The following HDAC8 variants were observed in gnomAD, a reference collection of about 807,000 sequenced individuals.
HDAC8 encodes histone deacetylase-like 1.
A neutral mutation model predicts 32.2 loss-of-function variants in HDAC8; 1 was observed. The ratio of observed to expected loss-of-function variants is 0.03; its 90% confidence interval spans 0.01 to 0.15. The LOEUF is 0.15. HDAC8 is among the 10% of genes least tolerant of loss of function. HDAC8 has a pLI of 1.00. For missense variants in HDAC8, 117 were observed against 300.0 expected, an observed-to-expected ratio of 0.39 and a Z score of 4.51; for synonymous variants, 108 against 113.9, an observed-to-expected ratio of 0.95 and a Z score of 0.33.
chrX:72,546,686 G>T (rs1252612375), intron 4 of HDAC8, among the ~76,000 whole-genome samples: 1 of 111,010 alleles, frequency 9.0e-6, no homozygotes, highest in African/African-American at 3.3e-5. Context: ...CAGAATCAAA[G>T]GATTCAAAGA....
intron 4 of HDAC8, among the ~76,000 whole-genome samples, chrX:72,536,486 AT>A (rs1282192778): frequency 8.9e-6 from 1 of 112,040 alleles, no homozygotes; most frequent in East Asian, 2.8e-4. Flanking sequence ...TGAAACTCAC[AT>A]TTTTTCTCTC....
intron 4 of HDAC8, among the ~76,000 whole-genome samples, chrX:72,520,014 T>C (rs1208480937): frequency 1.8e-5 from 2 of 112,602 alleles, no homozygotes; most frequent in East Asian, 5.5e-4. Context: ...TTTTATCATA[T>C]ATGAAATTTG....
chrX:72,375,385 G>A (rs1436563236), intron 9 of HDAC8, among the ~76,000 whole-genome samples: 6 of 111,696 alleles, frequency 5.4e-5, no homozygotes, highest in African/African-American at 2.0e-4. Context: ...TCTGCAAACC[G>A]GAGTCCAAGG....
intron 4 of HDAC8, among the ~76,000 whole-genome samples, chrX:72,528,606 G>A (rs1217931999): frequency 9.0e-6 from 1 of 111,164 alleles, no homozygotes; most frequent in Non-Finnish European, 1.9e-5. Context: ...TGGGGTAATG[G>A]CTGGGGGTCA....
At chrX:72,388,082 A>G (rs1254461604) in intron 9 of HDAC8, among the ~76,000 whole-genome samples, 1 of 110,235 alleles carries the variant, frequency 9.1e-6, no homozygotes, top group Non-Finnish European at 1.9e-5. Flanking sequence ...GGTCAAAGGC[A>G]TAGTGGAATC....
intron 4 of HDAC8, among the ~76,000 whole-genome samples, chrX:72,539,301 C>T (rs1264274680): frequency 2.7e-5 from 3 of 111,164 alleles, no homozygotes; most frequent in African/African-American, 3.3e-5. Context: ...GCACGATCTC[C>T]GCTCACTGCA....
At chrX:72,357,716 C>A (rs1555951223) in intron 9 of HDAC8, among the ~76,000 whole-genome samples, 1 of 110,311 alleles carries the variant, frequency 9.1e-6, no homozygotes, top group African/African-American at 3.3e-5. Flanking sequence ...TCTAAGACTC[C>A]CAGCGGATGC....
chrX:72,431,683 G>A (rs2046823051), intron 9 of HDAC8, among the ~76,000 whole-genome samples: 1 of 110,899 alleles, frequency 9.0e-6, no homozygotes, highest in African/African-American at 3.3e-5. Flanking sequence ...CTCTCATCAA[G>A]GTCAACAATG....
At chrX:72,544,837 G>T (rs530018830) in intron 4 of HDAC8, among the ~76,000 whole-genome samples, 1 of 111,951 alleles carries the variant, frequency 8.9e-6, no homozygotes, top group South Asian at 3.7e-4. Flanking sequence ...TTTTCAGAAA[G>T]AGTCTCAAGG....
intron 10 of HDAC8, among the ~76,000 whole-genome samples, chrX:72,330,367 A>G (rs1307494581): frequency 9.0e-6 from 1 of 111,640 alleles, no homozygotes; most frequent in Non-Finnish European, 1.9e-5. Flanking sequence ...AGCCAGAACC[A>G]GAAGAGCCAC....
chrX:72,430,384 C>A (rs1555977029), intron 9 of HDAC8, among the ~76,000 whole-genome samples: 1 of 112,581 alleles, frequency 8.9e-6, no homozygotes, highest in African/African-American at 3.2e-5. Context: ...TCTTGTGAAC[C>A]TATTGCTCCT....
chrX:72,370,472 T>C (rs1031070081), intron 9 of HDAC8, among the ~76,000 whole-genome samples: 2 of 111,880 alleles, frequency 1.8e-5, no homozygotes, highest in Non-Finnish European at 3.8e-5. Context: ...GCCATTCTCC[T>C]GCGTCAGCCT....
intron 4 of HDAC8, among the ~76,000 whole-genome samples, chrX:72,538,065 G>T (rs1263647590): frequency 9.0e-6 from 1 of 111,544 alleles, no homozygotes; most frequent in Non-Finnish European, 1.9e-5. Context: ...GTTTTATCTT[G>T]GTGATAATAC....
At chrX:72,556,060 A>C (rs140912072) in intron 4 of HDAC8, among the ~76,000 whole-genome samples, 196 of 112,117 alleles carry the variant, frequency 1.7e-3, no homozygotes, top group African/African-American at 6.0e-3. Flanking sequence ...TTCTCAGCAG[A>C]AACCTTACAA....
At chrX:72,442,329 C>T (rs1170438331) in intron 9 of HDAC8, among the ~76,000 whole-genome samples, 7 of 111,502 alleles carry the variant, frequency 6.3e-5, no homozygotes, top group African/African-American at 9.8e-5. Context: ...AGACTAACAG[C>T]GGATCTCTCG....
chrX:72,343,556 A>G (rs3012661), intron 10 of HDAC8, among the ~76,000 whole-genome samples: 11,042 of 111,166 alleles, frequency 0.099, 517 homozygotes, highest in South Asian at 0.34. Context: ...TCTTTACTGA[A>G]TAGCATCCCT....
intron 4 of HDAC8, among the ~76,000 whole-genome samples, chrX:72,541,643 T>C (rs1189770459): frequency 8.9e-6 from 1 of 112,095 alleles, no homozygotes; most frequent in African/African-American, 3.2e-5. Flanking sequence ...TGATCATGGT[T>C]TGTACTAGAG....
intron 4 of HDAC8, among the ~76,000 whole-genome samples, chrX:72,548,928 C>G (rs1556062344): frequency 1.8e-5 from 2 of 111,896 alleles, no homozygotes; most frequent in Non-Finnish European, 3.8e-5. Flanking sequence ...ACTGAAAGAG[C>G]CTTTTTAGAT....
At chrX:72,541,203 A>G (rs1377883587) in intron 4 of HDAC8, among the ~76,000 whole-genome samples, 3 of 106,534 alleles carry the variant, frequency 2.8e-5, no homozygotes, top group Non-Finnish European at 5.8e-5. Context: ...GTGGTTAGGG[A>G]AGGCCTCAGT....
Sources: allele counts gnomAD v4.1 joint callset (sites outside exome capture counted in the v4.1 genomes callset), GRCh38; gene constraint gnomAD v4.1.1; transcripts MANE v1.5; gene names NCBI Gene and HGNC (gene_info 2026-07-23, HGNC 2026-07-21).